PDE6A: variants seen among roughly 807,000 people sequenced by gnomAD.
PDE6A encodes the protein phosphodiesterase 6A, also known as rod cGMP-specific 3',5'-cyclic phosphodiesterase subunit alpha.
In PDE6A, 84 loss-of-function variants were observed where a neutral mutation model predicts 106.3. That is an observed-to-expected ratio of 0.79 (90% CI 0.66 to 0.95). The LOEUF (loss-of-function observed/expected upper bound fraction) is 0.95, where lower values mean the gene tolerates loss of function less well. PDE6A is among the 40% of genes least tolerant of loss of function. The pLI is 0.00. For synonymous variants in PDE6A, 394 were observed against 386.6 expected, an observed-to-expected ratio of 1.02 and a Z score of -0.23; for missense variants, 1,052 against 1,084.9, an observed-to-expected ratio of 0.97 and a Z score of 0.43.
intron 6 of PDE6A, among the ~76,000 whole-genome samples, chr5:149,914,302 C>A (rs1310186199): frequency 6.6e-6 from 1 of 152,286 alleles, no homozygotes; most frequent in Middle Eastern, 3.4e-3. Flanking sequence ...TTCCCACTCT[C>A]CCTGCCTCTA....
intron 3 of PDE6A, 123 bp downstream of exon 3, chr5:149,933,807 G>A (rs879008303): frequency 4.3e-5 from 31 of 724,226 alleles, no homozygotes; most frequent in East Asian, 3.8e-4. Flanking sequence ...CATAACACTC[G>A]TGATGCTGGC....
At chr5:149,865,293 C>T (rs888152217) in intron 20 of PDE6A, among the ~76,000 whole-genome samples, 1 of 150,902 alleles carries the variant, frequency 6.6e-6, no homozygotes, top group African/African-American at 2.4e-5. Context: ...ACCTGTGGTC[C>T]CAGCTACTCA....
At chr5:149,884,219 C>A (rs1273112146) in intron 16 of PDE6A, among the ~76,000 whole-genome samples, 1 of 146,026 alleles carries the variant, frequency 6.8e-6, no homozygotes, top group Non-Finnish European at 1.5e-5. Flanking sequence ...TATATATACA[C>A]ACACACATAT....
chr5:149,875,583 G>C (rs1005294282), intron 17 of PDE6A, among the ~76,000 whole-genome samples: 6 of 150,126 alleles, frequency 4.0e-5, no homozygotes, highest in African/African-American at 1.5e-4. Flanking sequence ...TCAACCTCTC[G>C]GGCTCAAGCA....
intron 17 of PDE6A, among the ~76,000 whole-genome samples, chr5:149,881,454 A>G (rs1004664169): frequency 6.6e-6 from 1 of 152,244 alleles, no homozygotes; most frequent in Admixed American, 6.5e-5. Context: ...AGCAACAGGG[A>G]TGGTGTTGGA....
intron 3 of PDE6A, among the ~76,000 whole-genome samples, 186 bp from the exon 4 acceptor site, chr5:149,931,354 AT>A (rs3836740): frequency 0.1 from 15,351 of 148,814 alleles, 823 homozygotes; most frequent in African/African-American, 0.14. Flanking sequence ...AAAGTTTTTA[AT>A]TTTTTTTTTT....
At position 149,934,658 on chromosome 5, in the gene PDE6A, C is replaced by T. The variant is rs763169237; in HGVS notation, c.535G>A (p.Ala179Thr). The T allele has an allele frequency of 6.2e-7, 1 of 1,614,078 alleles. No homozygotes were observed. Reference protein sequence around the residue: ...LTEYKTKNILASPIMNGKDVV... With the variant: ...LTEYKTKNILTSPIMNGKDVV... ...TCCTTCCCATTCATTATGGGGGAAG[C>T]CAAGATGTTCTTGGTCTTGTACTCT... Residue 179 changes from alanine to threonine, a missense_variant, in exon 2 of 22, where the codon GCT (alanine) becomes ACT (threonine). This residue lies in a region of PDE6A where 913 missense variants were observed against 915.2 expected (regional missense o/e 1.00). Transcript: ENST00000255266.
intron 7 of PDE6A, among the ~76,000 whole-genome samples, chr5:149,904,882 G>C (rs138930852): frequency 6.6e-6 from 1 of 151,978 alleles, no homozygotes; most frequent in South Asian, 2.1e-4. Context: ...ATCCATCATG[G>C]TCCCTATAGC....
chr5:149,864,820 A>T (rs1760266238), intron 20 of PDE6A, among the ~76,000 whole-genome samples: 1 of 152,204 alleles, frequency 6.6e-6, no homozygotes, highest in Admixed American at 6.5e-5. Flanking sequence ...GCGGGTCACT[A>T]CCAGAGCTTA....
chr5:149,883,596 T>C, intron 16 of PDE6A, 60 bp from the exon 17 acceptor site: 1 of 1,103,470 alleles, frequency 9.1e-7, no homozygotes, highest in Non-Finnish European at 1.4e-6. Context: ...ACACCTGAGC[T>C]GCTAACATTG....
rs965379528 is a variant in PDE6A at position 149,898,393 on chromosome 5, C to G, written c.1377G>C (p.Lys459Asn). 9 of 1,613,436 alleles carry G rather than the reference C, an allele frequency of 5.6e-6. No individual in the cohort carries two copies. Among genetic ancestry groups the G allele is most frequent in the Non-Finnish European group, 7.6e-6 (9 of 1,179,528 alleles). ...TTTTCTGAATTTCTTCATTGTCACA[C>G]TTCACATGATATTTTACTATGTCCT... is the stretch of plus-strand genomic sequence containing the variant. ...IFQDIVKYHV[K>N]CDNEEIQKIL... Residue 459 changes from lysine to asparagine, a missense_variant, in exon 10 of 22, where the codon AAG (lysine) becomes AAC (asparagine). Lys to Asn is a moderately conservative substitution (Grantham distance 94). Coordinates refer to ENST00000255266, the MANE Select transcript of PDE6A (RefSeq NM_000440.3).
Position 149,860,823 on chromosome 5 carries a change from G to C in PDE6A, c.*72C>G, listed in dbSNP as rs1430366330. The C allele has an allele frequency of 8.1e-7, 1 of 1,230,174 alleles. No homozygotes were observed. The highest frequency in any genetic ancestry group is 1.2e-6 in the Non-Finnish European group (1 of 831,768). The allele number at this position is 1,230,174 out of a possible 1,614,324, so 76.2% of individuals were successfully genotyped here. ...ACTCTTCTACTTCTCAAGGTGTGTG[G>C]TCTTCCACTGGCTTGAGTCATCTCT... On this transcript the variant is annotated 3_prime_UTR_variant, in exon 22 of 22. Coordinates refer to ENST00000255266, the MANE Select transcript of PDE6A (RefSeq NM_000440.3).
At chr5:149,925,952 C>A (rs751905568) in intron 4 of PDE6A, among the ~76,000 whole-genome samples, 1 of 151,650 alleles carries the variant, frequency 6.6e-6, no homozygotes, top group Non-Finnish European at 1.5e-5. Flanking sequence ...GGTAAATATA[C>A]CAATGGAGGC....
chr5:149,896,772 G>T lies in PDE6A; in HGVS notation c.1412C>A (p.Thr471Asn). The T allele has an allele frequency of 1.2e-6, 2 of 1,614,070 alleles. No individual in the cohort carries two copies. Among genetic ancestry groups the T allele is most frequent in the Non-Finnish European group, 1.7e-6 (2 of 1,180,016 alleles). Residue 471 changes from threonine to asparagine, a missense_variant, in exon 11 of 22, where the codon ACC (threonine) becomes AAC (asparagine). By Grantham distance (65) the Thr-to-Asn change is moderately conservative. Coordinates refer to ENST00000255266, the MANE Select transcript of PDE6A (RefSeq NM_000440.3). ...DNEEIQKILK[T>N]REVYGKEPWE... is the part of the protein sequence containing the mutation. ...TGGCTCCTTCCCATACACCTCTCTG[G>T]TTTTCTGCCAGGACCCAAAATGGCA...
intron 2 of PDE6A, 46 bp downstream of exon 2, chr5:149,934,520 G>C: frequency 6.2e-7 from 1 of 1,601,518 alleles, no homozygotes; most frequent in Non-Finnish European, 8.6e-7. Context: ...CATAGGCTGG[G>C]AGAATGTGCT....
intron 8 of PDE6A, among the ~76,000 whole-genome samples, chr5:149,903,399 T>C (rs1466409410): frequency 6.6e-6 from 1 of 150,924 alleles, no homozygotes; most frequent in Non-Finnish European, 1.5e-5. Flanking sequence ...ATATTGTATA[T>C]CTTGTGGGGG....
In PDE6A at chr5:149,868,011, G is replaced by C. The variant is rs1035820136; in HGVS notation, c.2199+84C>G. On this transcript the variant is annotated intron_variant, in intron 18 of 21. Coordinates refer to ENST00000255266, the MANE Select transcript of PDE6A (RefSeq NM_000440.3). Reference sequence around the variant, plus strand: ...GGGACACAGGTGAGCTGGTTCTGGAGCTGGGCTGAGAGAGTCCAAGCCTCA... The same window carrying C: ...GGGACACAGGTGAGCTGGTTCTGGACCTGGGCTGAGAGAGTCCAAGCCTCA... 4.4e-6 allele frequency: 6 copies of C among 1,362,740 alleles called. No homozygotes were observed. The African/African-American group carries it at 5.7e-5, about 13-fold the overall frequency. 84.4% of individuals were successfully genotyped at this position (1,362,740 alleles called of 1,614,324 possible).
At position 149,920,940 on chromosome 5, in the gene PDE6A, GAA is replaced by G. The variant is rs144739768; in HGVS notation, c.933+693_933+694del. Reference sequence around the variant, plus strand: ...AAGAAAGAAGAAAGAGAGAAAGAGAGAAAAAGAAAGAAAGAAAGAAAGAAAGA... The same window carrying G: ...AAGAAAGAAGAAAGAGAGAAAGAGAGAAAGAAAGAAAGAAAGAAAGAAAGA... On this transcript the variant is annotated intron_variant, in intron 5 of 21. Coordinates refer to ENST00000255266, the MANE Select transcript of PDE6A (RefSeq NM_000440.3). 1.5e-3 allele frequency among the ~76,000 whole-genome samples: 57 copies of G among 37,426 alleles called. 1 individual carries two copies. Among genetic ancestry groups the G allele is most frequent in the Middle Eastern group, 0.014 (1 of 70 alleles). 24.6% of individuals were successfully genotyped at this position (37,426 alleles called of 152,430 possible). A position where few individuals can be genotyped will look rare whatever the true frequency, so the allele number is the denominator to read the frequency against.
At chr5:149,931,880 C>A in intron 3 of PDE6A, 1 of 632,240 alleles carries the variant, frequency 1.6e-6, no homozygotes, top group Non-Finnish European at 2.7e-6. Context: ...TCCAGAGTTT[C>A]TGGAAGAAAT....
Sources: gnomAD v4.1 joint callset for allele counts (sites outside exome capture counted in the v4.1 genomes callset) on GRCh38, gnomAD v4.1.1 for gene constraint, gnomAD v4.1.1 regional missense constraint, MANE v1.5 for transcripts, NCBI Gene and HGNC (gene_info 2026-07-23, HGNC 2026-07-21) for gene names.